The following CDK18 variants were observed in gnomAD, a reference collection of about 807,000 sequenced individuals.
The protein encoded by CDK18 is cyclin dependent kinase 18, also known as cyclin-dependent kinase 18.
In CDK18, 52 loss-of-function variants were observed where a neutral mutation model predicts 62.0. That is an observed-to-expected ratio of 0.84 (90% CI 0.67 to 1.06). CDK18 has a LOEUF of 1.06. Among genes scored for constraint, CDK18 ranks in the 50% least tolerant of loss-of-function variants. The pLI, the probability that CDK18 is intolerant of heterozygous loss-of-function variation, is 0.00. For synonymous variants in CDK18, 237 were observed against 247.0 expected, an observed-to-expected ratio of 0.96 and a Z score of 0.38; for missense variants, 604 against 619.9, an observed-to-expected ratio of 0.97 and a Z score of 0.27.
Position 205,524,328 on chromosome 1 carries a change from C to T in CDK18, c.370C>T (p.Leu124Phe), listed in dbSNP as rs1168353989. The T allele has an allele frequency of 3.1e-6, 5 of 1,614,202 alleles. No homozygotes were observed. Among genetic ancestry groups the T allele is most frequent in the Non-Finnish European group, 4.2e-6 (5 of 1,180,038 alleles). Residue 124 changes from leucine to phenylalanine, a missense_variant, in exon 4 of 16, where the codon CTC (leucine) becomes TTC (phenylalanine). Physicochemically the swap from Leu to Phe is conservative, Grantham distance 22. Transcript: ENST00000429964. ...GGAGAGCCCAGATCTGCCCAAGCCG[C>T]TCAGCCGCATGTCCCGCCGGGCCTC... The part of the protein sequence containing the change: ...QMESPDLPKP[L>F]SRMSRRASLS...
chr1:205,529,211 AC>A, intron 11 of CDK18, 112 bp from the exon 12 acceptor site: 1 of 1,326,066 alleles, frequency 7.5e-7, no homozygotes, highest in Non-Finnish European at 1.0e-6. Context: ...CCGGGCGGGG[AC>A]CCCCTGTGGC....
chr1:205,505,967 G>C (rs1008735997), intron 1 of CDK18, among the ~76,000 whole-genome samples: 2 of 152,136 alleles, frequency 1.3e-5, no homozygotes, highest in Non-Finnish European at 2.9e-5. Context: ...TAACACCACC[G>C]GCTTGCCCCT....
At chr1:205,507,625 C>T (rs1412478338) in intron 1 of CDK18, among the ~76,000 whole-genome samples, 2 of 112,816 alleles carry the variant, frequency 1.8e-5, no homozygotes, top group Non-Finnish European at 3.4e-5. Flanking sequence ...CAGAGCGAGA[C>T]TCCGTCTCAA....
intron 1 of CDK18, among the ~76,000 whole-genome samples, chr1:205,505,582 A>ATTC (rs1667268036): frequency 1.3e-5 from 2 of 152,088 alleles, no homozygotes; most frequent in Admixed American, 1.3e-4. Flanking sequence ...TGCCTTGAGG[A>ATTC]TTCTGCTGTA....
rs759018539 is a variant in CDK18 at position 205,529,286 on chromosome 1, C to G, written c.1073-38C>G. Reference sequence around the variant, plus strand: ...TTTCAAGTCGGCCTTGGCCCTGGGCCTCACGCAGGCCCTCCCCACCCTCTC... The same window carrying G: ...TTTCAAGTCGGCCTTGGCCCTGGGCGTCACGCAGGCCCTCCCCACCCTCTC... On this transcript the variant is annotated intron_variant, in intron 11 of 15. Transcript: ENST00000429964. 3.8e-6 allele frequency: 6 copies of G among 1,579,966 alleles called. No homozygotes were observed. The South Asian group carries it at 4.5e-5, about 12-fold the overall frequency.
Position 205,526,720 on chromosome 1 carries a change from G to T in CDK18, c.667-55G>T, listed in dbSNP as rs1255315113. ...GCTTCCTCTCCTCAGCCTGTGTCTG[G>T]GCTTCTGGCCAGGGGTCAGCGTGGG... On this transcript the variant is annotated intron_variant, in intron 7 of 15. Coordinates refer to ENST00000429964, the MANE Select transcript of CDK18 (RefSeq NM_212502.3). 2.0e-6 allele frequency: 3 copies of T among 1,513,632 alleles called. No individual in the cohort carries two copies. In the African/African-American group the frequency reaches 4.1e-5, roughly 21 times the overall value. 93.8% of individuals were successfully genotyped at this position (1,513,632 alleles called of 1,614,324 possible).
chr1:205,519,045 C>T (rs1042180560), intron 1 of CDK18, among the ~76,000 whole-genome samples: 1 of 152,204 alleles, frequency 6.6e-6, no homozygotes, highest in Non-Finnish European at 1.5e-5. Context: ...CTTCCCCTGG[C>T]ACCAATTGCA....
In CDK18 at chr1:205,529,248, T is replaced by A. The variant is rs1301748288; in HGVS notation, c.1073-76T>A. On this transcript the variant is annotated intron_variant, in intron 11 of 15. Coordinates refer to ENST00000429964, the MANE Select transcript of CDK18 (RefSeq NM_212502.3). The stretch of plus-strand genomic sequence containing the variant: ...CTCGGCCATCTTTGCTCCCACCTCA[T>A]ACATTGCATCCCTTTCAAGTCGGCC... 35 of 1,430,334 alleles carry A rather than the reference T, an allele frequency of 2.4e-5. No homozygotes were observed. The Admixed American group carries it at 6.2e-4, about 25-fold the overall frequency. 88.6% of individuals were successfully genotyped at this position (1,430,334 alleles called of 1,614,324 possible). A position where few individuals can be genotyped will look rare whatever the true frequency, so the allele number is the denominator to read the frequency against.
chr1:205,525,800 G>A (rs1160366860), intron 5 of CDK18, among the ~76,000 whole-genome samples: 18 of 152,178 alleles, frequency 1.2e-4, no homozygotes, highest in Non-Finnish European at 2.9e-5. Context: ...CATCAGCATC[G>A]TATAAGGAAG....
intron 1 of CDK18, among the ~76,000 whole-genome samples, chr1:205,518,476 T>C (rs1667940030): frequency 6.6e-6 from 1 of 152,168 alleles, no homozygotes; most frequent in African/African-American, 2.4e-5. Context: ...ACTGAGTTTG[T>C]TTGGCACGCA....
In CDK18 at chr1:205,517,740, C is replaced by A. The variant is rs1418257839; in HGVS notation, c.-21-5407C>A. Among the ~76,000 whole-genome samples, 1 of 152,060 alleles carries A rather than the reference C, an allele frequency of 6.6e-6. No homozygotes were observed. Among genetic ancestry groups the A allele is most frequent in the Admixed American group, 6.5e-5 (1 of 15,268 alleles). On this transcript the variant is annotated intron_variant, in intron 1 of 15. Transcript: ENST00000429964. The surrounding 1 kb of genome is among the most constrained non-coding windows in gnomAD (Gnocchi z 4.1). ...AAATATAGCCCAAATCCAGCCACTTCTCACCATCTCCACTGCCCCCCGCTG... is the reference window on the plus strand; with the variant it reads ...AAATATAGCCCAAATCCAGCCACTTATCACCATCTCCACTGCCCCCCGCTG...
In CDK18 at chr1:205,516,328, G is replaced by A. The variant is rs1001400521; in HGVS notation, c.-21-6819G>A. ...AAAGTGGCTGAGTGACCGAGGCAGG[G>A]GCAGGGACTGGGAGATAGGGTGTCA... is the stretch of plus-strand genomic sequence containing the variant. On this transcript the variant is annotated intron_variant, in intron 1 of 15. Coordinates refer to ENST00000429964, the MANE Select transcript of CDK18 (RefSeq NM_212502.3). The surrounding 1 kb of genome is among the most constrained non-coding windows in gnomAD (Gnocchi z 4.8). 1.2e-4 allele frequency among the ~76,000 whole-genome samples: 18 copies of A among 152,152 alleles called. No homozygotes were observed. The highest frequency in any genetic ancestry group is 4.3e-4 in the African/African-American group (18 of 41,448).
chr1:205,508,828 A>C (rs1667431545), intron 1 of CDK18, among the ~76,000 whole-genome samples: 1 of 151,468 alleles, frequency 6.6e-6, no homozygotes, highest in African/African-American at 2.4e-5. Context: ...TGGGCAACAG[A>C]ACAAGAACTT....
At chr1:205,522,044 G>C (rs927404229) in intron 1 of CDK18, among the ~76,000 whole-genome samples, 2 of 152,204 alleles carry the variant, frequency 1.3e-5, no homozygotes, top group African/African-American at 4.8e-5. Flanking sequence ...CAGGATGAGA[G>C]GGGGGCTGCA....
At position 205,527,818 on chromosome 1, in the gene CDK18, G is replaced by A. The variant is rs1668515900; in HGVS notation, c.754G>A (p.Gly252Ser). 13 of 1,613,820 alleles carry A rather than the reference G, an allele frequency of 8.1e-6. No homozygotes were observed. The East Asian group carries it at 2.9e-4, about 36-fold the overall frequency. ...GATTTTCATGTTCCAGCTGCTCCGG[G>A]GCCTCGCCTACTGTCACCACCGCAA... is the stretch of plus-strand genomic sequence containing the variant. ...VKIFMFQLLR[G>S]LAYCHHRKIL... Residue 252 changes from glycine (G) to serine (S), a missense_variant, in exon 9 of 16, where the codon GGC becomes AGC. Gly to Ser is a moderately conservative substitution (Grantham distance 56). Transcript: ENST00000429964. The surrounding 1 kb of genome is among the most constrained non-coding windows in gnomAD (Gnocchi z 4.1).
intron 1 of CDK18, among the ~76,000 whole-genome samples, chr1:205,515,038 C>A (rs1667750481): frequency 6.6e-6 from 1 of 152,044 alleles, no homozygotes; most frequent in Admixed American, 6.6e-5. Flanking sequence ...TCTGGGAATG[C>A]CAGGTACATT....
chr1:205,521,263 G>T (rs770683855), intron 1 of CDK18, among the ~76,000 whole-genome samples: 12 of 152,352 alleles, frequency 7.9e-5, no homozygotes, highest in Middle Eastern at 3.4e-3. Flanking sequence ...CCAGGCAGGA[G>T]TGCAATGGCG....
chr1:205,511,151 AATG>A (rs2102274203), intron 1 of CDK18, among the ~76,000 whole-genome samples: 1 of 152,388 alleles, frequency 6.6e-6, no homozygotes, highest in South Asian at 2.1e-4. Context: ...ATGAGCTAAG[AATG>A]ATTTTTACAT....
intron 13 of CDK18, 197 bp downstream of exon 13, chr1:205,529,760 A>AACC: frequency 1.3e-6 from 2 of 1,524,678 alleles, no homozygotes; most frequent in Non-Finnish European, 1.8e-6. Context: ...TGCGAGCCCA[A>AACC]ACCCGTTACT....
Sources: allele counts gnomAD v4.1 joint callset (sites outside exome capture counted in the v4.1 genomes callset), GRCh38; gene constraint gnomAD v4.1.1; non-coding constraint Gnocchi (gnomAD v3.1); transcripts MANE v1.5; gene names NCBI Gene and HGNC (gene_info 2026-07-23, HGNC 2026-07-21).